The following PPFIA2 variants were observed in gnomAD, a reference collection of about 807,000 sequenced individuals.
PPFIA2 encodes the protein PPFI scaffold protein A2, also known as liprin-alpha-2.
In PPFIA2, 46 loss-of-function variants were observed where a neutral mutation model predicts 175.5. The ratio of observed to expected loss-of-function variants is 0.26; its 90% CI spans 0.21 to 0.34. PPFIA2 has a LOEUF of 0.34. Among genes scored for constraint, PPFIA2 ranks in the 10% least tolerant of loss-of-function variants. The pLI is 1.00. For synonymous variants in PPFIA2, 568 were observed against 511.4 expected, an observed-to-expected ratio of 1.11 and a Z score of -1.49; for missense variants, 1,179 against 1,506.1, an observed-to-expected ratio of 0.78 and a Z score of 3.60.
intron 7 of PPFIA2, among the ~76,000 whole-genome samples, chr12:81,415,580 T>C (rs1291827263): frequency 6.6e-6 from 1 of 150,596 alleles, no homozygotes; most frequent in African/African-American, 2.4e-5. Flanking sequence ...TTATAATGAT[T>C]AAAAAATCCT....
At chr12:81,388,247 TA>T (rs1188355190) in intron 8 of PPFIA2, among the ~76,000 whole-genome samples, 1 of 152,138 alleles carries the variant, frequency 6.6e-6, no homozygotes, top group Non-Finnish European at 1.5e-5. Context: ...ACACACTTCT[TA>T]AAAATAGAAG....
intron 9 of PPFIA2, among the ~76,000 whole-genome samples, chr12:81,378,587 T>TA (rs1302374079): frequency 4.6e-5 from 7 of 152,200 alleles, no homozygotes; most frequent in Admixed American, 2.6e-4. Context: ...GTAGAGTTTT[T>TA]ATCTTAGAGG....
intron 7 of PPFIA2, among the ~76,000 whole-genome samples, chr12:81,410,893 GA>G (rs2043839506): frequency 6.6e-6 from 1 of 152,044 alleles, no homozygotes; most frequent in Non-Finnish European, 1.5e-5. Context: ...AAAACACATG[GA>G]AGAGATGAGG....
At chr12:81,388,267 G>T (rs543668991) in intron 8 of PPFIA2, among the ~76,000 whole-genome samples, 1 of 152,208 alleles carries the variant, frequency 6.6e-6, no homozygotes, top group South Asian at 2.1e-4. Context: ...AGAAACTATT[G>T]TACTCTTGGG....
At chr12:81,668,322 C>A (rs2070750699) in intron 4 of PPFIA2, among the ~76,000 whole-genome samples, 2 of 151,938 alleles carry the variant, frequency 1.3e-5, no homozygotes, top group South Asian at 4.1e-4. Context: ...TTGTAAAGAC[C>A]ACTCTTACTG....
At chr12:81,533,935 C>T (rs1267815479) in intron 4 of PPFIA2, among the ~76,000 whole-genome samples, 2 of 150,884 alleles carry the variant, frequency 1.3e-5, no homozygotes, top group Non-Finnish European at 3.0e-5. Flanking sequence ...AATAAAAAAA[C>T]GAATGGGTAA....
At chr12:81,548,687 A>G (rs1258091792) in intron 4 of PPFIA2, among the ~76,000 whole-genome samples, 3 of 152,076 alleles carry the variant, frequency 2.0e-5, no homozygotes, top group African/African-American at 4.8e-5. Flanking sequence ...GAATTTTCAA[A>G]AGCCTCATTT....
intron 4 of PPFIA2, among the ~76,000 whole-genome samples, chr12:81,666,228 A>C (rs2070235292): frequency 6.6e-6 from 1 of 152,322 alleles, no homozygotes; most frequent in South Asian, 2.1e-4. Context: ...CTAGAACTAG[A>C]AATACTGTTT....
At chr12:81,722,449 C>A (rs2079481897) in intron 3 of PPFIA2, among the ~76,000 whole-genome samples, 1 of 151,130 alleles carries the variant, frequency 6.6e-6, no homozygotes, top group South Asian at 2.1e-4. Context: ...TAGGCTAGAT[C>A]TGACATTGAC....
At chr12:81,547,420 G>C (rs1183398491) in intron 4 of PPFIA2, among the ~76,000 whole-genome samples, 1 of 151,184 alleles carries the variant, frequency 6.6e-6, no homozygotes, top group Admixed American at 6.6e-5. Context: ...TTGTTGCCCA[G>C]GCTGGAGTGC....
At chr12:81,536,830 G>A (rs1243725912) in intron 4 of PPFIA2, among the ~76,000 whole-genome samples, 1 of 147,618 alleles carries the variant, frequency 6.8e-6, no homozygotes, top group Non-Finnish European at 1.5e-5. Flanking sequence ...ATGTGGTAAG[G>A]AGAAGAGGAA....
At chr12:81,268,943 T>C (rs933416858) in intron 28 of PPFIA2, among the ~76,000 whole-genome samples, 1 of 152,244 alleles carries the variant, frequency 6.6e-6, no homozygotes, top group Non-Finnish European at 1.5e-5. Context: ...CTTAGTATTA[T>C]ATTTCAATGC....
intron 4 of PPFIA2, among the ~76,000 whole-genome samples, chr12:81,615,914 A>G (rs2061389991): frequency 6.6e-6 from 1 of 152,178 alleles, no homozygotes; most frequent in Non-Finnish European, 1.5e-5. Context: ...GATAATCACT[A>G]GAGCCATGTC....
At chr12:81,452,267 C>T (rs2052721712) in intron 5 of PPFIA2, among the ~76,000 whole-genome samples, 2 of 152,126 alleles carry the variant, frequency 1.3e-5, no homozygotes, top group South Asian at 4.1e-4. Context: ...CCTATTAGAT[C>T]TTAATTCAAC....
chr12:81,501,162 CA>C (rs905261693), intron 4 of PPFIA2, among the ~76,000 whole-genome samples: 3 of 152,158 alleles, frequency 2.0e-5, no homozygotes, highest in African/African-American at 7.2e-5. Flanking sequence ...TGATTTTTGT[CA>C]CTGATTTTTA....
rs184070303 is a variant in PPFIA2 at position 81,404,666 on chromosome 12, A to C, written c.762+1121T>G. 5.2e-3 allele frequency among the ~76,000 whole-genome samples: 798 copies of C among 152,248 alleles called. 23 individuals carry two copies. Among genetic ancestry groups the C allele is most frequent in the Non-Finnish European group, 1.5e-3 (102 of 68,010 alleles). On this transcript the variant is annotated intron_variant, in intron 8 of 32. Coordinates refer to ENST00000549396, the MANE Select transcript of PPFIA2 (RefSeq NM_003625.5). Reference sequence around the variant, plus strand: ...AAGGCTAAATTCGTGGTCTTATGTGAAGATCTGTTCATTTGTCAGCCACCA... The same window carrying C: ...AAGGCTAAATTCGTGGTCTTATGTGCAGATCTGTTCATTTGTCAGCCACCA...
chr12:81,383,391 A>C (rs1283699249), intron 9 of PPFIA2, among the ~76,000 whole-genome samples: 1 of 152,156 alleles, frequency 6.6e-6, no homozygotes, highest in Non-Finnish European at 1.5e-5. Flanking sequence ...TCACCTTAGC[A>C]GGTAAAATGA....
intron 4 of PPFIA2, among the ~76,000 whole-genome samples, chr12:81,549,704 AAATAGT>A (rs1258169669): frequency 6.6e-6 from 1 of 152,000 alleles, no homozygotes; most frequent in Non-Finnish European, 1.5e-5. Context: ...ATCATAGATC[AAATAGT>A]AATATGCATA....
At position 81,260,551 on chromosome 12, in the gene PPFIA2, A is replaced by T. The variant is rs2136070179; in HGVS notation, c.*34-891T>A. On this transcript the variant is annotated intron_variant, in intron 32 of 32. Transcript: ENST00000549396. ...TATATACTTTAAATCATGTCTAATT[A>T]GGTGCCAAATTATATACCATAATTA... 1.3e-5 allele frequency: 2 copies of T among 152,338 alleles called. 1 individual carries two copies. The highest frequency in any genetic ancestry group is 2.9e-5 in the Non-Finnish European group (2 of 68,020). 9.4% of individuals were successfully genotyped at this position (152,338 alleles called of 1,614,324 possible).
Sources: gnomAD v4.1 joint callset for allele counts (sites outside exome capture counted in the v4.1 genomes callset) on GRCh38, gnomAD v4.1.1 for gene constraint, MANE v1.5 for transcripts, NCBI Gene and HGNC (gene_info 2026-07-23, HGNC 2026-07-21) for gene names.